The following LPP variants were observed in gnomAD, a reference collection of about 807,000 sequenced individuals.
LPP encodes lipoma-preferred partner.
LPP carries 38 observed loss-of-function variants against 60.4 expected under a neutral mutation model. The ratio of observed to expected loss-of-function variants is 0.63; its 90% CI spans 0.49 to 0.83. The LOEUF (loss-of-function observed/expected upper bound fraction) is 0.83. LPP is among the 40% of genes least tolerant of loss of function. LPP has a pLI of 0.00. For synonymous variants in LPP, 328 were observed against 290.8 expected (o/e 1.13, Z -1.30); for missense variants, 902 against 783.6 (o/e 1.15, Z -1.80).
At chr3:188,575,582 A>C (rs1330945641) in intron 6 of LPP, among the ~76,000 whole-genome samples, 1 of 152,136 alleles carries the variant, frequency 6.6e-6, no homozygotes, top group Non-Finnish European at 1.5e-5. Context: ...CTTTTGATGT[A>C]GCTCTCTTCA....
At chr3:188,634,864 G>A (rs948370527) in intron 7 of LPP, among the ~76,000 whole-genome samples, 2 of 152,106 alleles carry the variant, frequency 1.3e-5, no homozygotes, top group African/African-American at 4.8e-5. Flanking sequence ...TAAATGTAAA[G>A]TACTTGAATC....
In LPP at chr3:188,640,298, T is replaced by C. The variant is rs1219512451; in HGVS notation, c.1113+30454T>C. On this transcript the variant is annotated intron_variant, in intron 7 of 11. Transcript: ENST00000617246. ...AAACCAAACACCACATATTCTCACT[T>C]ATAGGTGGGAATTGAACAATGAGAT... 1.9e-4 allele frequency among the ~76,000 whole-genome samples: 27 copies of C among 145,696 alleles called. No individual in the cohort carries two copies. In the South Asian group the frequency reaches 2.7e-3, roughly 14 times the overall value.
chr3:188,169,179 C>T (rs1417962055), intron 1 of LPP, among the ~76,000 whole-genome samples: 3 of 152,182 alleles, frequency 2.0e-5, no homozygotes, highest in African/African-American at 4.8e-5. Context: ...ATTAACATTT[C>T]GTTTTTCAAA....
intron 9 of LPP, among the ~76,000 whole-genome samples, chr3:188,796,858 ACACAGACCC>A (rs1395160993): frequency 6.6e-6 from 1 of 152,152 alleles, no homozygotes; most frequent in Non-Finnish European, 1.5e-5. Context: ...CCATTTTTCT[ACACAGACCC>A]CATTGCAGTC....
At chr3:188,705,130 G>A (rs920537511) in intron 7 of LPP, among the ~76,000 whole-genome samples, 5 of 152,178 alleles carry the variant, frequency 3.3e-5, no homozygotes, top group Non-Finnish European at 5.9e-5. Context: ...TACAAAAGTA[G>A]AACTACTTGC....
intron 2 of LPP, among the ~76,000 whole-genome samples, chr3:188,335,777 C>A (rs1226147635): frequency 1.3e-5 from 2 of 152,032 alleles, no homozygotes; most frequent in African/African-American, 4.8e-5. Context: ...TTGGTGGTGT[C>A]ATATTTTATT....
In LPP at chr3:188,817,723, A is replaced by T. The variant is rs530572072; in HGVS notation, c.1411-48477A>T. Among the ~76,000 whole-genome samples, 5 of 152,304 alleles carry T rather than the reference A, an allele frequency of 3.3e-5. No homozygotes were observed. In the South Asian group the frequency reaches 8.3e-4, roughly 25 times the overall value. Reference sequence around the variant, plus strand: ...TGAAATGGTTTTAACGTCACTTTGTATACAGAACAAAAATGGAAAACCAGA... The same window carrying T: ...TGAAATGGTTTTAACGTCACTTTGTTTACAGAACAAAAATGGAAAACCAGA... On this transcript the variant is annotated intron_variant, in intron 9 of 11. Coordinates refer to ENST00000617246, the MANE Select transcript of LPP (RefSeq NM_001375462.1).
chr3:188,430,764 A>G (rs2149144091), intron 4 of LPP, among the ~76,000 whole-genome samples: 1 of 152,274 alleles, frequency 6.6e-6, no homozygotes, highest in Admixed American at 6.5e-5. Flanking sequence ...CCCAATAGTA[A>G]GGCCAAGTTC....
At chr3:188,461,299 C>T (rs1361367041) in intron 4 of LPP, among the ~76,000 whole-genome samples, 1 of 152,104 alleles carries the variant, frequency 6.6e-6, no homozygotes, top group Non-Finnish European at 1.5e-5. Flanking sequence ...TGTTGTCTGG[C>T]TAGACATCTT....
intron 2 of LPP, among the ~76,000 whole-genome samples, chr3:188,246,492 C>T (rs1726990743): frequency 6.6e-6 from 1 of 152,298 alleles, no homozygotes; most frequent in South Asian, 2.1e-4. Flanking sequence ...AATTGTATTT[C>T]ATTTCTCTTA....
In LPP at chr3:188,609,472, G is replaced by A. The variant is rs576472085; in HGVS notation, c.741G>A (p.Gly247=). The stretch of plus-strand genomic sequence containing the variant: ...CATCAGGACAAATTTATGGCTCAGG[G>A]CCCCAGGGCTATAACACTCAGCCAG... ...APSSGQIYGS[G]PQGYNTQPVP... is the part of the protein sequence containing the mutation. Residue 247 remains glycine (G), a synonymous_variant, in exon 7 of 12, where the codon GGG becomes GGA. Transcript: ENST00000617246. The surrounding 1 kb of genome is among the most constrained non-coding windows in gnomAD (Gnocchi z 6.9). 282 of 1,614,140 alleles carry A rather than the reference G, an allele frequency of 1.7e-4. 3 individuals are homozygous for A. In the Middle Eastern group the frequency reaches 2.8e-3, roughly 16 times the overall value.
intron 2 of LPP, among the ~76,000 whole-genome samples, chr3:188,280,532 A>G (rs1406439960): frequency 6.6e-6 from 1 of 152,150 alleles, no homozygotes; most frequent in Non-Finnish European, 1.5e-5. Context: ...AGACGAGGAA[A>G]TAGGTATTAT....
chr3:188,750,397 G>A (rs564821644), intron 8 of LPP, among the ~76,000 whole-genome samples: 13 of 152,220 alleles, frequency 8.5e-5, no homozygotes, highest in East Asian at 1.9e-4. Flanking sequence ...TTGGGAGGCC[G>A]AGATGGGTGG....
intron 7 of LPP, among the ~76,000 whole-genome samples, chr3:188,657,258 G>GTGTGTATATATATATATATATATA (rs1553782707): frequency 3.3e-5 from 3 of 89,840 alleles, no homozygotes; most frequent in East Asian, 1.0e-3. Context: ...CTGTCAAGGT[G>GTGTGTATATATATATATATATATA]TATATATATA....
intron 2 of LPP, among the ~76,000 whole-genome samples, chr3:188,322,473 C>T (rs554305416): frequency 2.0e-5 from 3 of 152,256 alleles, no homozygotes; most frequent in African/African-American, 7.2e-5. Flanking sequence ...CCTAACTGGT[C>T]CCTCAGGAAC....
chr3:188,491,325 T>C (rs1365794381), intron 5 of LPP, among the ~76,000 whole-genome samples: 1 of 151,758 alleles, frequency 6.6e-6, no homozygotes, highest in East Asian at 1.9e-4. Flanking sequence ...AGATTAAGAG[T>C]AGAGGTAGTG....
At chr3:188,200,829 C>G (rs538691399) in intron 1 of LPP, among the ~76,000 whole-genome samples, 36 of 152,238 alleles carry the variant, frequency 2.4e-4, no homozygotes, top group African/African-American at 8.4e-4. Flanking sequence ...CCAACTTATC[C>G]ATTTAAAATC....
At chr3:188,640,424 C>T (rs578098875) in intron 7 of LPP, among the ~76,000 whole-genome samples, 15 of 146,224 alleles carry the variant, frequency 1.0e-4, no homozygotes, top group African/African-American at 3.5e-4. Context: ...TGCTAGATGA[C>T]GAGTTAGTGG....
In LPP at chr3:188,572,951, T is replaced by C. The variant is rs1423274370; in HGVS notation, c.430-36210T>C. Among the ~76,000 whole-genome samples the C allele has an allele frequency of 6.6e-6, 1 of 152,158 alleles. No homozygotes were observed. The highest frequency in any genetic ancestry group is 1.9e-4 in the East Asian group (1 of 5,176). The stretch of plus-strand genomic sequence containing the variant: ...TTGACCTGGATGTAATACATGTCAC[T>C]TCTTATATAGCTCCTTAGCCAAAAC... On this transcript the variant is annotated intron_variant, in intron 6 of 11. Coordinates refer to ENST00000617246, the MANE Select transcript of LPP (RefSeq NM_001375462.1). This position sits in a 1 kb window ranked among gnomAD's most constrained non-coding sequence, Gnocchi z 4.1.
Sources: gnomAD v4.1 joint callset for allele counts (sites outside exome capture counted in the v4.1 genomes callset) on GRCh38, gnomAD v4.1.1 for gene constraint, Gnocchi (gnomAD v3.1) non-coding constraint, MANE v1.5 for transcripts, NCBI Gene and HGNC (gene_info 2026-07-23, HGNC 2026-07-21) for gene names.